HSPB9: variants seen among roughly 807,000 people sequenced by gnomAD.
HSPB9 encodes heat shock protein family B (small) member 9, also known as heat shock protein beta-9.
For synonymous variants in HSPB9, 98 were observed against 92.7 expected (o/e 1.06, Z -0.33); for missense variants, 203 against 213.4 (o/e 0.95, Z 0.30).
chr17:42,122,847 T>A lies in HSPB9; in HGVS notation c.-4T>A, dbSNP rs782659215. On this transcript the variant is annotated 5_prime_UTR_variant, in exon 1 of 1. Transcript: ENST00000565659. ...CCTTTGACAGCAGTTAGTTGCTGAC[T>A]CGGATGCAGAGAGTCGGTAACACCT... is the stretch of plus-strand genomic sequence containing the variant. 2.5e-6 allele frequency: 4 copies of A among 1,603,064 alleles called. No homozygotes were observed. The highest frequency in any genetic ancestry group is 3.4e-6 in the Non-Finnish European group (4 of 1,172,544).
Position 42,123,085 on chromosome 17 carries a change from G to A in HSPB9, c.235G>A (p.Val79Met), listed in dbSNP as rs1555667937. 6.2e-7 allele frequency: 1 copy of A among 1,614,228 alleles called. No homozygotes were observed. Among genetic ancestry groups the A allele is most frequent in the Non-Finnish European group, 8.5e-7 (1 of 1,180,040 alleles). Residue 79 changes from valine (V) to methionine (M), a missense_variant, in exon 1 of 1, where the codon GTG becomes ATG. Physicochemically the swap from Val to Met is conservative, Grantham distance 21. Transcript: ENST00000565659. ...VVQVDGQWLM[V>M]TGQQQLDVRD... is the part of the protein sequence containing the mutation. ...GCAGGTGGATGGCCAATGGCTGATGGTGACCGGACAGCAGCAACTGGACGT... is the reference window on the plus strand; with the variant it reads ...GCAGGTGGATGGCCAATGGCTGATGATGACCGGACAGCAGCAACTGGACGT...
rs782398788 is a variant in HSPB9, at chr17:42,123,350, G to A, written c.*20G>A. 1 of 1,592,774 alleles carries A rather than the reference G, an allele frequency of 6.3e-7. No individual in the cohort carries two copies. The highest frequency in any genetic ancestry group is 1.7e-5 in the Admixed American group (1 of 59,760). The stretch of plus-strand genomic sequence containing the variant: ...CGGTAAACAAACGACGCGATGTGCA[G>A]CAGCCTTGGTGTCCGTTGTCTTTTC... On this transcript the variant is annotated 3_prime_UTR_variant, in exon 1 of 1. Transcript: ENST00000565659.
Position 42,123,322 on chromosome 17 carries a change from A to G in HSPB9, c.472A>G (p.Thr158Ala). 6.2e-7 allele frequency: 1 copy of G among 1,601,194 alleles called. No homozygotes were observed. Among genetic ancestry groups the G allele is most frequent in the South Asian group, 1.1e-5 (1 of 90,986 alleles). Residue 158 changes from threonine to alanine, a missense_variant, in exon 1 of 1, where the codon ACC (threonine) becomes GCC (alanine). By Grantham distance (58) the Thr-to-Ala change is moderately conservative. Transcript: ENST00000565659. The stretch of plus-strand genomic sequence containing the variant: ...CCTCGGCTCTAAGGCTTCCAACCTG[A>G]CCCGGTAAACAAACGACGCGATGTG... The part of the protein sequence containing the change: ...GSLGSKASNL[T>A]R
chr17:42,122,917 C>A lies in HSPB9; in HGVS notation c.67C>A (p.Leu23Ile). The A allele has an allele frequency of 6.2e-7, 1 of 1,614,052 alleles. No individual in the cohort carries two copies. Reference protein sequence around the residue: ...RVASRCPSVGLAERNRVATMP... With the variant: ...RVASRCPSVGIAERNRVATMP... ...GGCATCCCGGTGTCCCAGCGTGGGC[C>A]TTGCTGAACGGAACCGGGTGGCCAC... The change falls in exon 1 of 1, where the codon CTT becomes ATT. Residue 23 changes from leucine (L) to isoleucine (I), a missense_variant. By Grantham distance (5) the Leu-to-Ile change is conservative. Coordinates refer to ENST00000565659, the MANE Select transcript of HSPB9 (RefSeq NM_033194.3).
At chr17:42,123,061 C>T in the HSPB9 span, 2 of 1,614,198 alleles carry the variant, frequency 1.2e-6, no homozygotes, top group Non-Finnish European at 1.7e-6. Flanking sequence ...ACTGGTGGTG[C>T]AGGTGGATGG....
rs2054371856 is a variant in HSPB9 at position 42,122,937 on chromosome 17, G to A, written c.87G>A (p.Val29=). ...TGGGCCTTGCTGAACGGAACCGGGTGGCCACAATGCCGGTGCGGCTGCTCA... is the reference window on the plus strand; with the variant it reads ...TGGGCCTTGCTGAACGGAACCGGGTAGCCACAATGCCGGTGCGGCTGCTCA... The part of the protein sequence containing the change: ...PSVGLAERNR[V]ATMPVRLLRD... Residue 29 remains valine, a synonymous_variant, in exon 1 of 1, where the codon GTG becomes GTA. Coordinates refer to ENST00000565659, the MANE Select transcript of HSPB9 (RefSeq NM_033194.3). 1.2e-6 allele frequency: 2 copies of A among 1,613,962 alleles called. No homozygotes were observed. The highest frequency in any genetic ancestry group is 1.7e-6 in the Non-Finnish European group (2 of 1,180,044).
Position 42,122,846 on chromosome 17 carries a change from C to A in HSPB9, c.-5C>A. On this transcript the variant is annotated 5_prime_UTR_variant, in exon 1 of 1. Coordinates refer to ENST00000565659, the MANE Select transcript of HSPB9 (RefSeq NM_033194.3). Reference sequence around the variant, plus strand: ...CCCTTTGACAGCAGTTAGTTGCTGACTCGGATGCAGAGAGTCGGTAACACC... The same window carrying A: ...CCCTTTGACAGCAGTTAGTTGCTGAATCGGATGCAGAGAGTCGGTAACACC... 1 of 1,602,620 alleles carries A rather than the reference C, an allele frequency of 6.2e-7. No homozygotes were observed. The highest frequency in any genetic ancestry group is 1.7e-5 in the Admixed American group (1 of 59,750).
Position 42,123,048 on chromosome 17 carries a change from G to C in HSPB9, c.198G>C (p.Glu66Asp), listed in dbSNP as rs782309100. ...MKLDAHGFAP[E>D]ELVVQVDGQW... ...TGGATGCCCACGGCTTCGCCCCGGAGGAACTGGTGGTGCAGGTGGATGGCC... is the reference window on the plus strand; with the variant it reads ...TGGATGCCCACGGCTTCGCCCCGGACGAACTGGTGGTGCAGGTGGATGGCC... The change falls in exon 1 of 1, where the codon GAG (glutamate) becomes GAC (aspartate). Residue 66 changes from glutamate to aspartate, a missense_variant. Transcript: ENST00000565659. 18 of 1,614,136 alleles carry C rather than the reference G, an allele frequency of 1.1e-5. No homozygotes were observed. The South Asian group carries it at 1.9e-4, about 17-fold the overall frequency.
chr17:42,123,229 G>A lies in HSPB9; in HGVS notation c.379G>A (p.Val127Ile), dbSNP rs781866654. ...CCLTPSGQLW[V>I]RGQCVALALP... ...CCTGACCCCCTCCGGGCAGCTGTGGGTCAGAGGCCAGTGTGTGGCGCTGGC... is the reference window on the plus strand; with the variant it reads ...CCTGACCCCCTCCGGGCAGCTGTGGATCAGAGGCCAGTGTGTGGCGCTGGC... The change falls in exon 1 of 1, where the codon GTC becomes ATC. Residue 127 changes from valine to isoleucine, a missense_variant. By Grantham distance (29) the Val-to-Ile change is conservative (BLOSUM62 3). Coordinates refer to ENST00000565659, the MANE Select transcript of HSPB9 (RefSeq NM_033194.3). 1.1e-5 allele frequency: 18 copies of A among 1,613,536 alleles called. No individual in the cohort carries two copies. The highest frequency in any genetic ancestry group is 3.3e-5 in the Admixed American group (2 of 60,004).
rs116132823 is a variant in HSPB9 at position 42,123,144 on chromosome 17, A to G, written c.294A>G (p.Ser98=). 1.8e-4 allele frequency: 294 copies of G among 1,614,150 alleles called. 2 individuals carry two copies. The African/African-American group carries it at 3.6e-3, about 20-fold the overall frequency. Residue 98 remains serine (S), a synonymous_variant, in exon 1 of 1, where the codon TCA becomes TCG. Coordinates refer to ENST00000565659, the MANE Select transcript of HSPB9 (RefSeq NM_033194.3). ...CGGAAAGGGTCAGTTACCGCATGTC[A>G]CAGAAGGTGCACCGGAAAATGCTCC... The part of the protein sequence containing the change: ...RDPERVSYRM[S]QKVHRKMLPS...
Position 42,123,140 on chromosome 17 carries a change from T to A in HSPB9, c.290T>A (p.Met97Lys). The change falls in exon 1 of 1, where the codon ATG (methionine) becomes AAG (lysine). Residue 97 changes from methionine (M) to lysine (K), a missense_variant. Transcript: ENST00000565659. ...VRDPERVSYR[M>K]SQKVHRKMLP... ...GACCCGGAAAGGGTCAGTTACCGCA[T>A]GTCACAGAAGGTGCACCGGAAAATG... 3 of 1,614,142 alleles carry A rather than the reference T, an allele frequency of 1.9e-6. No homozygotes were observed. The highest frequency in any genetic ancestry group is 2.5e-6 in the Non-Finnish European group (3 of 1,180,022).
At position 42,123,125 on chromosome 17, in the gene HSPB9, G is replaced by A. The variant is rs1380542759; in HGVS notation, c.275G>A (p.Arg92Lys). ...CAACTGGACGTCAGGGACCCGGAAA[G>A]GGTCAGTTACCGCATGTCACAGAAG... ...QQQLDVRDPE[R>K]VSYRMSQKVH... Residue 92 changes from arginine to lysine, a missense_variant, in exon 1 of 1, where the codon AGG becomes AAG. Transcript: ENST00000565659. 5 of 1,614,092 alleles carry A rather than the reference G, an allele frequency of 3.1e-6. No homozygotes were observed. Among genetic ancestry groups the A allele is most frequent in the African/African-American group, 1.3e-5 (1 of 74,928 alleles).
In HSPB9 at chr17:42,123,153, G is replaced by A. The variant is rs1555667971; in HGVS notation, c.303G>A (p.Val101=). 1 of 1,614,198 alleles carries A rather than the reference G, an allele frequency of 6.2e-7. No homozygotes were observed. The highest frequency in any genetic ancestry group is 8.5e-7 in the Non-Finnish European group (1 of 1,180,038). The change falls in exon 1 of 1, where the codon GTG becomes GTA. Residue 101 remains valine (V), a synonymous_variant. Transcript: ENST00000565659. ...ERVSYRMSQK[V]HRKMLPSNLS... ...TCAGTTACCGCATGTCACAGAAGGT[G>A]CACCGGAAAATGCTCCCGTCCAACC...
Position 42,123,021 on chromosome 17 carries a change from G to A in HSPB9, c.171G>A (p.Lys57=), listed in dbSNP as rs372365653. 6.2e-7 allele frequency: 1 copy of A among 1,614,142 alleles called. No homozygotes were observed. The highest frequency in any genetic ancestry group is 1.3e-5 in the African/African-American group (1 of 74,956). Residue 57 remains lysine (K), a synonymous_variant, in exon 1 of 1, where the codon AAG becomes AAA. Coordinates refer to ENST00000565659, the MANE Select transcript of HSPB9 (RefSeq NM_033194.3). ...ATGCCAGAGACGGTTTCCAAATGAA[G>A]CTGGATGCCCACGGCTTCGCCCCGG... ...NDHARDGFQM[K]LDAHGFAPEE... is the part of the protein sequence containing the mutation.
At position 42,123,029 on chromosome 17, in the gene HSPB9, C is replaced by A; in HGVS notation, c.179C>A (p.Ala60Asp). The change falls in exon 1 of 1, where the codon GCC becomes GAC. Residue 60 changes from alanine (A) to aspartate (D), a missense_variant. Ala to Asp is a moderately radical substitution (Grantham distance 126). Transcript: ENST00000565659. Reference protein sequence around the residue: ...ARDGFQMKLDAHGFAPEELVV... With the variant: ...ARDGFQMKLDDHGFAPEELVV... ...GACGGTTTCCAAATGAAGCTGGATGCCCACGGCTTCGCCCCGGAGGAACTG... is the reference window on the plus strand; with the variant it reads ...GACGGTTTCCAAATGAAGCTGGATGACCACGGCTTCGCCCCGGAGGAACTG... 2 of 1,614,198 alleles carry A rather than the reference C, an allele frequency of 1.2e-6. No individual in the cohort carries two copies. Among genetic ancestry groups the A allele is most frequent in the Non-Finnish European group, 1.7e-6 (2 of 1,180,034 alleles).
rs1555668062 is a variant in HSPB9 at position 42,123,345 on chromosome 17, G to A, written c.*15G>A. 2 of 1,594,468 alleles carry A rather than the reference G, an allele frequency of 1.3e-6. No homozygotes were observed. The highest frequency in any genetic ancestry group is 1.1e-5 in the South Asian group (1 of 90,870). On this transcript the variant is annotated 3_prime_UTR_variant, in exon 1 of 1. Coordinates refer to ENST00000565659, the MANE Select transcript of HSPB9 (RefSeq NM_033194.3). ...TGACCCGGTAAACAAACGACGCGAT[G>A]TGCAGCAGCCTTGGTGTCCGTTGTC...
chr17:42,123,089 C>G lies in HSPB9; in HGVS notation c.239C>G (p.Thr80Ser). Residue 80 changes from threonine to serine, a missense_variant, in exon 1 of 1, where the codon ACC becomes AGC. By Grantham distance (58) the Thr-to-Ser change is moderately conservative. Coordinates refer to ENST00000565659, the MANE Select transcript of HSPB9 (RefSeq NM_033194.3). ...VQVDGQWLMV[T>S]GQQQLDVRDP... ...GTGGATGGCCAATGGCTGATGGTGA[C>G]CGGACAGCAGCAACTGGACGTCAGG... 1 of 1,614,190 alleles carries G rather than the reference C, an allele frequency of 6.2e-7. No individual in the cohort carries two copies. The highest frequency in any genetic ancestry group is 8.5e-7 in the Non-Finnish European group (1 of 1,180,010).
Position 42,122,960 on chromosome 17 carries a change from T to C in HSPB9, c.110T>C (p.Leu37Pro), listed in dbSNP as rs577919774. Residue 37 changes from leucine to proline, a missense_variant, in exon 1 of 1, where the codon CTC (leucine) becomes CCC (proline). Leu to Pro is a moderately conservative substitution (Grantham distance 98). Transcript: ENST00000565659. ...NRVATMPVRL[L>P]RDSPAAQEDN... ...GTGGCCACAATGCCGGTGCGGCTGC[T>C]CAGGGACAGTCCAGCGGCTCAGGAG... The C allele has an allele frequency of 1.9e-6, 3 of 1,614,076 alleles. No homozygotes were observed. The East Asian group carries it at 6.7e-5, about 36-fold the overall frequency.
In HSPB9 at chr17:42,122,901, G is replaced by T. The variant is rs782711266; in HGVS notation, c.51G>T (p.Arg17=). The T allele has an allele frequency of 1.6e-5, 26 of 1,613,416 alleles. No homozygotes were observed. The Admixed American group carries it at 4.3e-4, about 27-fold the overall frequency. The part of the protein sequence containing the change: ...TFSNESRVAS[R]CPSVGLAERN... ...CCAACGAGAGCCGGGTGGCATCCCG[G>T]TGTCCCAGCGTGGGCCTTGCTGAAC... The change falls in exon 1 of 1, where the codon CGG becomes CGT. Residue 17 remains arginine, a synonymous_variant. Transcript: ENST00000565659.
Sources: allele counts gnomAD v4.1 joint callset, GRCh38; gene constraint gnomAD v4.1.1; transcripts MANE v1.5; gene names NCBI Gene and HGNC (gene_info 2026-07-23, HGNC 2026-07-21).